Variants in WFDC9 observed in about 807,000 individuals in gnomAD.
WFDC9 encodes WAP four-disulfide core domain 9, also known as protein WFDC9.
Under a neutral mutation model 9.5 loss-of-function variants are expected in WFDC9, and 9 were observed. The observed-to-expected ratio is 0.95, with a 90% CI of 0.57 to 1.65. The LOEUF (loss-of-function observed/expected upper bound fraction) is 1.65. Among genes scored for constraint, WFDC9 ranks in the 40% most tolerant of loss-of-function variants. The pLI, the probability that WFDC9 is intolerant of heterozygous loss-of-function variation, is 0.00. For missense variants in WFDC9, 87 were observed against 106.7 expected (o/e 0.82, Z 0.81); for synonymous variants, 33 against 32.3 (o/e 1.02, Z -0.07).
Position 45,610,135 on chromosome 20 carries a change from A to T in WFDC9, c.47T>A (p.Val16Glu), listed in dbSNP as rs1310290508. The change falls in exon 3 of 5, where the codon GTG becomes GAG. Residue 16 changes from valine to glutamate, a missense_variant. Transcript: ENST00000326000. ...LLLVMFISGV[V>E]MLLPVLGSFW... The stretch of plus-strand genomic sequence containing the variant: ...GCTTCCCAGCACAGGCAGAAGCATC[A>T]CAACTCCAGAGATGAACATGACGAG... 6.2e-6 allele frequency: 10 copies of T among 1,614,106 alleles called. No individual in the cohort carries two copies. Among genetic ancestry groups the T allele is most frequent in the Non-Finnish European group, 7.6e-6 (9 of 1,179,992 alleles).
At chr20:45,623,925 G>T (rs1044606315) in intron 1 of WFDC9, among the ~76,000 whole-genome samples, 5 of 152,162 alleles carry the variant, frequency 3.3e-5, no homozygotes, top group Non-Finnish European at 5.9e-5. Flanking sequence ...GGGCACAGTG[G>T]CTCACGCCTG....
At chr20:45,623,705 T>C (rs1982152490) in intron 1 of WFDC9, among the ~76,000 whole-genome samples, 1 of 152,216 alleles carries the variant, frequency 6.6e-6, no homozygotes, top group African/African-American at 2.4e-5. Flanking sequence ...TCAATATGTA[T>C]AATGTATAGT....
At chr20:45,609,593 C>T (rs1312383117) in intron 3 of WFDC9, among the ~76,000 whole-genome samples, 3 of 152,152 alleles carry the variant, frequency 2.0e-5, no homozygotes, top group Admixed American at 2.0e-4. Flanking sequence ...AACCCTCCTG[C>T]TCAGTGTCTT....
intron 1 of WFDC9, among the ~76,000 whole-genome samples, chr20:45,621,110 A>G (rs1982088215): frequency 6.6e-6 from 1 of 152,124 alleles, no homozygotes; most frequent in Non-Finnish European, 1.5e-5. Context: ...ATCTTCTACT[A>G]TTTTAAAAGC....
intron 1 of WFDC9, among the ~76,000 whole-genome samples, chr20:45,627,233 G>A (rs1369106689): frequency 3.9e-5 from 6 of 152,042 alleles, no homozygotes; most frequent in Admixed American, 3.9e-4. Context: ...ATTTTGTTGA[G>A]GATTTTTGCA....
intron 1 of WFDC9, among the ~76,000 whole-genome samples, chr20:45,624,674 A>T (rs942231094): frequency 2.0e-5 from 3 of 152,208 alleles, no homozygotes; most frequent in Admixed American, 2.0e-4. Flanking sequence ...ACTAATTTAT[A>T]TTCCCACCAA....
At chr20:45,615,931 A>G (rs1355050436) in intron 1 of WFDC9, among the ~76,000 whole-genome samples, 1 of 152,242 alleles carries the variant, frequency 6.6e-6, no homozygotes, top group Non-Finnish European at 1.5e-5. Context: ...TGATTATCTG[A>G]GCCTTCAACA....
intron 1 of WFDC9, among the ~76,000 whole-genome samples, chr20:45,616,561 T>C (rs1401703090): frequency 6.6e-6 from 1 of 152,204 alleles, no homozygotes; most frequent in Non-Finnish European, 1.5e-5. Flanking sequence ...TCCAGGAATT[T>C]TTTAATTTAC....
At chr20:45,620,595 CA>C (rs560593288) in intron 1 of WFDC9, among the ~76,000 whole-genome samples, 5 of 151,752 alleles carry the variant, frequency 3.3e-5, no homozygotes, top group Non-Finnish European at 7.4e-5. Flanking sequence ...CTGTCTCAAA[CA>C]AAAAAAACTG....
At chr20:45,609,942 A>T in intron 3 of WFDC9, 149 bp downstream of exon 3, 1 of 593,766 alleles carries the variant, frequency 1.7e-6, no homozygotes, top group South Asian at 2.5e-5. Flanking sequence ...ACTTAAAGGA[A>T]TTGGGAATAT....
Position 45,608,133 on chromosome 20 carries a change from G to T in WFDC9, c.247C>A (p.Leu83Ile). ...ATCTAGGGGTTTAGCATTGATTTAA[G>T]GGGCTCTCTAGAAGAGAAAAGTTAG... ...GNICLDNEEP[L>I]KSMLNP The change falls in exon 5 of 5, where the codon CTT becomes ATT. Residue 83 changes from leucine (L) to isoleucine (I), a missense_variant. By Grantham distance (5) the Leu-to-Ile change is conservative. Coordinates refer to ENST00000326000, the MANE Select transcript of WFDC9 (RefSeq NM_147198.4). 1 of 1,612,582 alleles carries T rather than the reference G, an allele frequency of 6.2e-7. No individual in the cohort carries two copies. The highest frequency in any genetic ancestry group is 8.5e-7 in the Non-Finnish European group (1 of 1,179,574).
chr20:45,630,852 T>C (rs1220953326), intron 1 of WFDC9: 1 of 1,580,698 alleles, frequency 6.3e-7, no homozygotes, highest in East Asian at 2.3e-5. Flanking sequence ...TTATTTACCG[T>C]TCTATTCTCC....
intron 1 of WFDC9, among the ~76,000 whole-genome samples, chr20:45,619,992 C>G (rs1982060235): frequency 6.6e-6 from 1 of 151,980 alleles, no homozygotes; most frequent in Non-Finnish European, 1.5e-5. Flanking sequence ...TGCCATTGCA[C>G]TATAGCCTGG....
At chr20:45,624,207 C>A (rs780789962) in intron 1 of WFDC9, among the ~76,000 whole-genome samples, 29 of 152,108 alleles carry the variant, frequency 1.9e-4, no homozygotes, top group East Asian at 1.9e-4. Context: ...ACAAAAAAAT[C>A]TCTCCCTATC....
intron 1 of WFDC9, chr20:45,629,972 C>G: frequency 6.3e-7 from 1 of 1,576,762 alleles, no homozygotes; most frequent in Non-Finnish European, 8.6e-7. Flanking sequence ...TGTGTCCAGT[C>G]TGAGTAGGAC....
intron 1 of WFDC9, among the ~76,000 whole-genome samples, chr20:45,615,592 G>T (rs1981955486): frequency 6.6e-6 from 1 of 152,102 alleles, no homozygotes; most frequent in Admixed American, 6.5e-5. Flanking sequence ...CATATGAAAA[G>T]TATGTTTTCC....
chr20:45,608,819 G>A lies in WFDC9; in HGVS notation c.92-9C>T, dbSNP rs751223120. ...TCTTATCATATCTAGAACTGAGATG[G>A]AAGAAGTTAGCAGGGTCCGTCTATT... On this transcript the variant is annotated splice_polypyrimidine_tract_variant and intron_variant, in intron 3 of 4. Transcript: ENST00000326000. 4 of 1,606,338 alleles carry A rather than the reference G, an allele frequency of 2.5e-6. No homozygotes were observed. In the South Asian group the frequency reaches 3.3e-5, roughly 13 times the overall value.
chr20:45,629,667 T>A, intron 1 of WFDC9: 2 of 983,504 alleles, frequency 2.0e-6, no homozygotes, highest in Admixed American at 2.8e-5. Flanking sequence ...GAGGAAGGAC[T>A]CTCTTGCTCT....
chr20:45,610,074 C>CT lies in WFDC9; in HGVS notation c.91+16dup. ...CAGGACTGGGCAGAGCACCCCGTCC[C>CT]TTTTCACACCACCCACAGGGATCTT... On this transcript the variant is annotated intron_variant, in intron 3 of 4. Coordinates refer to ENST00000326000, the MANE Select transcript of WFDC9 (RefSeq NM_147198.4). 6.2e-7 allele frequency: 1 copy of CT among 1,613,082 alleles called. No individual in the cohort carries two copies. The highest frequency in any genetic ancestry group is 8.5e-7 in the Non-Finnish European group (1 of 1,179,192).
Sources: gnomAD v4.1 joint callset for allele counts (sites outside exome capture counted in the v4.1 genomes callset) on GRCh38, gnomAD v4.1.1 for gene constraint, MANE v1.5 for transcripts, NCBI Gene and HGNC (gene_info 2026-07-23, HGNC 2026-07-21) for gene names.